WNK1: variants seen among roughly 807,000 people sequenced by gnomAD.
The protein encoded by WNK1 is WNK lysine deficient protein kinase 1, also known as serine/threonine-protein kinase WNK1.
WNK1 carries 38 observed loss-of-function variants against 222.8 expected under a neutral mutation model. The ratio of observed to expected loss-of-function variants is 0.17; its 90% CI spans 0.13 to 0.22. The LOEUF (loss-of-function observed/expected upper bound fraction) is 0.22. Among genes scored for constraint, WNK1 ranks in the 10% least tolerant of loss-of-function variants. WNK1 has a pLI of 1.00. For missense variants in WNK1, 2,348 were observed against 2,918.4 expected (o/e 0.80, Z 4.50); for synonymous variants, 1,090 against 1,092.9 (o/e 1.00, Z 0.05).
rs369979092 is a variant in WNK1, at chr12:908,438, C to T, written c.6832-37C>T. On this transcript the variant is annotated intron_variant, in intron 27 of 27. Transcript: ENST00000315939. ...AGCGCCACACATTTTATACCATGGC[C>T]CACACCAGACTTGACACGTGGTGGT... 4 of 1,606,930 alleles carry T rather than the reference C, an allele frequency of 2.5e-6. No homozygotes were observed. The Middle Eastern group carries it at 6.6e-4, about 266-fold the overall frequency.
intron 1 of WNK1, among the ~76,000 whole-genome samples, chr12:784,819 T>C (rs1248819681): frequency 6.6e-6 from 1 of 152,204 alleles, no homozygotes; most frequent in East Asian, 1.9e-4. Context: ...AGATTCTTCT[T>C]ATATCTAGCT....
chr12:826,915 T>C, intron 2 of WNK1, 127 bp from the exon 3 acceptor site: 1 of 713,108 alleles, frequency 1.4e-6, no homozygotes, highest in Non-Finnish European at 2.4e-6. Context: ...TAACCTTTAG[T>C]GTTACTGAAT....
intron 4 of WNK1, among the ~76,000 whole-genome samples, chr12:847,530 G>A (rs535208132): frequency 6.6e-6 from 1 of 152,258 alleles, no homozygotes; most frequent in African/African-American, 2.4e-5. Context: ...GGGAGATTGG[G>A]TAAAGATGTG....
chr12:865,686 A>G (rs544262284), intron 8 of WNK1, among the ~76,000 whole-genome samples: 1 of 152,138 alleles, frequency 6.6e-6, no homozygotes, highest in Non-Finnish European at 1.5e-5. Flanking sequence ...TTTTAAAAGG[A>G]TTAATTTTAA....
Position 861,168 on chromosome 12 carries a change from G to A in WNK1, c.1776G>A (p.Gln592=), listed in dbSNP as rs747700724. 28 of 1,613,988 alleles carry A rather than the reference G, an allele frequency of 1.7e-5. No individual in the cohort carries two copies. Among genetic ancestry groups the A allele is most frequent in the Middle Eastern group, 1.6e-4 (1 of 6,062 alleles). Residue 592 remains glutamine, a synonymous_variant, in exon 7 of 28, where the codon CAG becomes CAA. Transcript: ENST00000315939. ...KKQEESSLKQ[Q]VEQSSASQTG... is the part of the protein sequence containing the mutation. Reference sequence around the variant, plus strand: ...AGGAAGAGAGCAGTCTCAAACAGCAGGTAGAACAATCCAGTGCTTCCCAGA... The same window carrying A: ...AGGAAGAGAGCAGTCTCAAACAGCAAGTAGAACAATCCAGTGCTTCCCAGA...
intron 4 of WNK1, among the ~76,000 whole-genome samples, chr12:852,775 A>G (rs901416976): frequency 2.5e-4 from 38 of 152,210 alleles, no homozygotes; most frequent in African/African-American, 8.7e-4. Context: ...CGAGAAACCT[A>G]TGAGTACATT....
rs1416374405 is a variant in WNK1 at position 896,305 on chromosome 12, C to T, written c.5818C>T (p.Pro1940Ser). The T allele has an allele frequency of 2.5e-6, 4 of 1,614,054 alleles. No homozygotes were observed. The highest frequency in any genetic ancestry group is 4.5e-5 in the East Asian group (2 of 44,896). The part of the protein sequence containing the change: ...ASEAKSDTGQ[P>S]TKVGRFQVTT... ...AGAGGCAAAGTCAGACACTGGGCAG[C>T]CTACCAAGGTTGGACGTTTTCAGGT... The change falls in exon 24 of 28, where the codon CCT becomes TCT. Residue 1940 changes from proline (P) to serine (S), a missense_variant. This residue lies in a region of WNK1 where 1,144 missense variants were observed against 1,273.6 expected (regional missense o/e 0.90). Coordinates refer to ENST00000315939, the MANE Select transcript of WNK1 (RefSeq NM_018979.4).
intron 8 of WNK1, chr12:869,147 T>A: frequency 6.2e-7 from 1 of 1,604,952 alleles, no homozygotes; most frequent in Non-Finnish European, 8.5e-7. Context: ...TACCCTACTT[T>A]GCACCATAAC....
rs765954314 is a variant in WNK1 at position 865,349 on chromosome 12, C to T, written c.2139+3079C>T. ...AGCACCGACGCTCCAGCCTGCCTTC[C>T]CTCTTTGTCAGTACTGTATGTAACT... On this transcript the variant is annotated intron_variant, in intron 8 of 27. Coordinates refer to ENST00000315939, the MANE Select transcript of WNK1 (RefSeq NM_018979.4). 3.9e-6 allele frequency: 6 copies of T among 1,536,028 alleles called. No individual in the cohort carries two copies. In the African/African-American group the frequency reaches 6.8e-5, roughly 18 times the overall value.
intron 8 of WNK1, chr12:869,038 A>AGGAACCACATC (rs1565551190): frequency 6.2e-7 from 1 of 1,612,962 alleles, no homozygotes. Context: ...GTTTCCCCCA[A>AGGAACCACATC]GGAACCACAT....
intron 2 of WNK1, among the ~76,000 whole-genome samples, chr12:817,021 C>A (rs1156675686): frequency 6.6e-6 from 1 of 152,090 alleles, no homozygotes; most frequent in Non-Finnish European, 1.5e-5. Context: ...TGAAGAACTT[C>A]TAGAAATAAG....
At position 896,735 on chromosome 12, in the gene WNK1, A is replaced by T; in HGVS notation, c.6245+3A>T. The T allele has an allele frequency of 6.2e-7, 1 of 1,609,288 alleles. No individual in the cohort carries two copies. Among genetic ancestry groups the T allele is most frequent in the African/African-American group, 1.4e-5 (1 of 73,658 alleles). ...GAGCTGCGACGACTACGAGATAAGT[A>T]AGTATATTTTCTCTTGTGAAAGAAT... On this transcript the variant is annotated splice_donor_region_variant and intron_variant, in intron 24 of 27. Transcript: ENST00000315939.
chr12:756,761 G>T (rs531732709), intron 1 of WNK1, among the ~76,000 whole-genome samples: 2 of 152,082 alleles, frequency 1.3e-5, no homozygotes, highest in Non-Finnish European at 2.9e-5. Context: ...ACAAGCCAAG[G>T]GATTACTAAA....
rs369523622 is a variant in WNK1 at position 840,841 on chromosome 12, G to A, written c.1311+10681G>A. On this transcript the variant is annotated intron_variant, in intron 4 of 27. Transcript: ENST00000315939. ...GACATGAGAATCTTGGTGCAAACAA[G>A]TAGCTACTTAACAGGTCAGAAAATG... Among the ~76,000 whole-genome samples, 10 of 152,346 alleles carry A rather than the reference G, an allele frequency of 6.6e-5. No homozygotes were observed. The East Asian group carries it at 1.5e-3, about 23-fold the overall frequency.
intron 5 of WNK1, among the ~76,000 whole-genome samples, chr12:857,954 A>T (rs1014291691): frequency 2.0e-5 from 3 of 152,256 alleles, no homozygotes. Flanking sequence ...CAAATTGAGC[A>T]TAATCTACCA....
At chr12:830,975 AT>A in intron 4 of WNK1, among the ~76,000 whole-genome samples, 1 of 152,270 alleles carries the variant, frequency 6.6e-6, no homozygotes, top group Middle Eastern at 3.4e-3. Flanking sequence ...TTCTGCATGC[AT>A]GTCAGAGATT....
rs558950782 is a variant in WNK1 at position 768,129 on chromosome 12, T to A, written c.759+13805T>A. 1.1e-4 allele frequency among the ~76,000 whole-genome samples: 16 copies of A among 152,296 alleles called. No homozygotes were observed. The East Asian group carries it at 2.9e-3, about 28-fold the overall frequency. ...TGTTTGTGTTGCATTGTATCAGGTT[T>A]TTTTTGTTCGTTTGTTTTTGAGGCA... On this transcript the variant is annotated intron_variant, in intron 1 of 27. Transcript: ENST00000315939.
intron 1 of WNK1, among the ~76,000 whole-genome samples, chr12:757,332 TTA>T (rs1491165802): frequency 4.5e-4 from 44 of 97,190 alleles, no homozygotes; most frequent in Admixed American, 1.0e-3. Context: ...TTTTTTTTTT[TTA>T]AAAAAAAAAA....
rs1399470508 is a variant in WNK1 at position 878,229 on chromosome 12, G to C, written c.2241G>C (p.Gln747His). The C allele has an allele frequency of 1.9e-6, 3 of 1,614,116 alleles. No individual in the cohort carries two copies. Among genetic ancestry groups the C allele is most frequent in the Middle Eastern group, 1.6e-4 (1 of 6,062 alleles). The change falls in exon 10 of 28, where the codon CAG (glutamine) becomes CAC (histidine). Residue 747 changes from glutamine to histidine, a missense_variant. Physicochemically the swap from Gln to His is conservative, Grantham distance 24. Transcript: ENST00000315939. Reference sequence around the variant, plus strand: ...ATTCTTAGCAGCAGGGAATACAGCAGACAGCCCCTCCTCAACAGACAGTGC... The same window carrying C: ...ATTCTTAGCAGCAGGGAATACAGCACACAGCCCCTCCTCAACAGACAGTGC... ...QHPQQQQGIQ[Q>H]TAPPQQTVQY...
Sources: gnomAD v4.1 joint callset for allele counts (sites outside exome capture counted in the v4.1 genomes callset) on GRCh38, gnomAD v4.1.1 for gene constraint, gnomAD v4.1.1 regional missense constraint, MANE v1.5 for transcripts, NCBI Gene and HGNC (gene_info 2026-07-23, HGNC 2026-07-21) for gene names.